The following LDB2 variants were observed in gnomAD, a reference collection of about 807,000 sequenced individuals.
The protein encoded by LDB2 is LIM domain-binding protein 2.
LDB2 carries 12 observed loss-of-function variants against 44.3 expected under a neutral mutation model. That is an observed-to-expected ratio of 0.27 (90% CI 0.17 to 0.44). The LOEUF is 0.44. LDB2 is among the 20% of genes least tolerant of loss of function. The pLI, the probability that LDB2 is intolerant of heterozygous loss-of-function variation, is 1.00. For missense variants in LDB2, 344 were observed against 473.5 expected (o/e 0.73, Z 2.54); for synonymous variants, 164 against 174.8 (o/e 0.94, Z 0.49).
chr4:16,816,658 G>T (rs546547000), intron 1 of LDB2, among the ~76,000 whole-genome samples: 2 of 151,976 alleles, frequency 1.3e-5, no homozygotes, highest in East Asian at 3.9e-4. Context: ...CGATCCGCCC[G>T]CCTTGGCTTC....
intron 2 of LDB2, among the ~76,000 whole-genome samples, chr4:16,690,788 TC>T (rs755347641): frequency 6.6e-5 from 10 of 152,124 alleles, no homozygotes; most frequent in Non-Finnish European, 1.3e-4. Context: ...AAGTTATGCT[TC>T]AGTATTTAAG....
At chr4:16,768,414 C>T (rs1253099106) in intron 1 of LDB2, among the ~76,000 whole-genome samples, 2 of 152,132 alleles carry the variant, frequency 1.3e-5, no homozygotes, top group African/African-American at 2.4e-5. Flanking sequence ...GTTTTACATG[C>T]ATCAGCTAAC....
chr4:16,515,849 T>TTA (rs2152254158), intron 5 of LDB2, among the ~76,000 whole-genome samples: 2 of 132,034 alleles, frequency 1.5e-5, no homozygotes, highest in Non-Finnish European at 3.5e-5. Flanking sequence ...TATTTATTTA[T>TTA]TTTATTATTT....
At chr4:16,596,960 A>G (rs116667795) in intron 2 of LDB2, among the ~76,000 whole-genome samples, 2,404 of 152,306 alleles carry the variant, frequency 0.016, 73 homozygotes, top group African/African-American at 0.055. Flanking sequence ...TTTTTAATAA[A>G]TCTCTTACAT....
In LDB2 at chr4:16,610,506, A is replaced by C. The variant is rs149470171; in HGVS notation, c.236-14631T>G. ...AATTGCTAACTAGAATAACCAGTTT[A>C]GAGAGGAACATAAATGACCTGATAG... is the stretch of plus-strand genomic sequence containing the variant. On this transcript the variant is annotated intron_variant, in intron 2 of 7. Transcript: ENST00000304523. Among the ~76,000 whole-genome samples, 247 of 152,362 alleles carry C rather than the reference A, an allele frequency of 1.6e-3. 1 individual carries two copies. In the East Asian group the frequency reaches 0.021, roughly 13 times the overall value.
At chr4:16,531,862 A>G (rs1380758365) in intron 5 of LDB2, among the ~76,000 whole-genome samples, 1 of 152,184 alleles carries the variant, frequency 6.6e-6, no homozygotes, top group Non-Finnish European at 1.5e-5. Context: ...TTTTTTCCAG[A>G]CATTGTGTAA....
intron 1 of LDB2, among the ~76,000 whole-genome samples, chr4:16,763,572 T>G (rs1343629934): frequency 6.6e-6 from 1 of 152,086 alleles, no homozygotes; most frequent in African/African-American, 2.4e-5. Flanking sequence ...TACTAAGTGT[T>G]GGGTATAGGC....
intron 5 of LDB2, among the ~76,000 whole-genome samples, chr4:16,514,287 G>C (rs1381840578): frequency 6.6e-6 from 1 of 152,132 alleles, no homozygotes; most frequent in Non-Finnish European, 1.5e-5. Context: ...TTTTGTTATA[G>C]GAGTGACCCT....
chr4:16,847,539 T>C (rs1787274624), intron 1 of LDB2, among the ~76,000 whole-genome samples: 1 of 152,270 alleles, frequency 6.6e-6, no homozygotes, highest in African/African-American at 2.4e-5. Context: ...CAATAACTTA[T>C]CATCTTATTA....
chr4:16,625,004 A>G (rs970510290), intron 2 of LDB2, among the ~76,000 whole-genome samples: 4 of 152,152 alleles, frequency 2.6e-5, no homozygotes, highest in African/African-American at 7.2e-5. Flanking sequence ...AAACCTTTCA[A>G]TGGCTCCCCA....
At chr4:16,763,644 C>T (rs930344938) in intron 1 of LDB2, among the ~76,000 whole-genome samples, 4 of 152,042 alleles carry the variant, frequency 2.6e-5, no homozygotes, top group Non-Finnish European at 5.9e-5. Context: ...GTTTGAGGGC[C>T]CAGGGTTAAT....
At chr4:16,742,776 A>T (rs1020031227) in intron 2 of LDB2, among the ~76,000 whole-genome samples, 13 of 152,342 alleles carry the variant, frequency 8.5e-5, no homozygotes, top group African/African-American at 3.1e-4. Context: ...ACCACAGAGT[A>T]GCAAGTTCTA....
intron 1 of LDB2, among the ~76,000 whole-genome samples, chr4:16,892,133 C>G (rs190704518): frequency 1.2e-3 from 189 of 152,310 alleles, no homozygotes; most frequent in Non-Finnish European, 2.2e-3. Context: ...GACTGCCTTT[C>G]AGAAAGGTGT....
chr4:16,521,683 G>C (rs1210356159), intron 5 of LDB2, among the ~76,000 whole-genome samples: 1 of 152,112 alleles, frequency 6.6e-6, no homozygotes, highest in Non-Finnish European at 1.5e-5. Flanking sequence ...GCTGATACCA[G>C]GTGACCCTAC....
chr4:16,837,989 A>T (rs1222561398), intron 1 of LDB2, among the ~76,000 whole-genome samples: 2 of 152,198 alleles, frequency 1.3e-5, no homozygotes, highest in South Asian at 4.1e-4. Flanking sequence ...GAAGGCAGGG[A>T]CTAGGGTTTA....
intron 5 of LDB2, among the ~76,000 whole-genome samples, chr4:16,529,379 A>G (rs938483122): frequency 8.5e-5 from 13 of 152,174 alleles, no homozygotes; most frequent in Admixed American, 5.9e-4. Context: ...TTAATGTTGA[A>G]TGAATGAATG....
chr4:16,603,802 AG>A (rs1391770819), intron 2 of LDB2, among the ~76,000 whole-genome samples: 1 of 152,212 alleles, frequency 6.6e-6, no homozygotes, highest in Non-Finnish European at 1.5e-5. Flanking sequence ...CTTCCTATAA[AG>A]GAATACGAAA....
chr4:16,874,765 C>T (rs1188970682), intron 1 of LDB2, among the ~76,000 whole-genome samples: 3 of 152,174 alleles, frequency 2.0e-5, no homozygotes, highest in Admixed American at 6.5e-5. Context: ...CGTGGAAAAT[C>T]GTGGACAACC....
chr4:16,653,684 A>T (rs1053062481), intron 2 of LDB2: 4 of 152,268 alleles, frequency 2.6e-5, no homozygotes, highest in African/African-American at 7.2e-5. Context: ...AGGAGAACAA[A>T]TGAAAGCAAA....
Sources: allele counts gnomAD v4.1 joint callset (sites outside exome capture counted in the v4.1 genomes callset), GRCh38; gene constraint gnomAD v4.1.1; transcripts MANE v1.5; gene names NCBI Gene and HGNC (gene_info 2026-07-23, HGNC 2026-07-21).